NDUFA1: variants seen among roughly 807,000 people sequenced by gnomAD.
NDUFA1 encodes the protein NADH:ubiquinone oxidoreductase subunit A1, also known as NADH dehydrogenase [ubiquinone] 1 alpha subcomplex subunit 1.
For missense variants in NDUFA1, 42 were observed against 56.0 expected, an observed-to-expected ratio of 0.75 and a Z score of 0.80; for synonymous variants, 21 against 20.0, an observed-to-expected ratio of 1.05 and a Z score of -0.14.
At chrX:119,874,568 G>GT (rs1415438089) in intron 2 of NDUFA1, among the ~76,000 whole-genome samples, 1 of 109,299 alleles carries the variant, frequency 9.1e-6, no homozygotes, top group Non-Finnish European at 1.9e-5. Context: ...CTTTTTTTTT[G>GT]TTTTTTGAGA....
At chrX:119,873,217 T>C in intron 1 of NDUFA1, 87 bp from the exon 2 acceptor site, 1 of 702,653 alleles carries the variant, frequency 1.4e-6, no homozygotes, top group Non-Finnish European at 2.3e-6. Context: ...TCCATTTCTC[T>C]GGAATGTCCC....
intron 2 of NDUFA1, 122 bp from the exon 3 acceptor site, chrX:119,876,391 TG>T: frequency 1.5e-6 from 1 of 647,585 alleles, no homozygotes; most frequent in Admixed American, 2.3e-5. Flanking sequence ...GTTAGAGAAA[TG>T]TGGGATGTGG....
chrX:119,874,659 C>G (rs182460219), intron 2 of NDUFA1, among the ~76,000 whole-genome samples: 1 of 111,175 alleles, frequency 9.0e-6, no homozygotes. Context: ...CGGGTTCAAG[C>G]GATTCTTGTG....
At chrX:119,872,059 G>A (rs1569466024) in intron 1 of NDUFA1, 46 bp downstream of exon 1, 4 of 1,137,245 alleles carry the variant, frequency 3.5e-6, no homozygotes, top group Non-Finnish European at 4.8e-6. Context: ...GCTGATTTCC[G>A]AAAAGGGTGG....
At chrX:119,875,747 C>T (rs2056434689) in intron 2 of NDUFA1, among the ~76,000 whole-genome samples, 1 of 111,463 alleles carries the variant, frequency 9.0e-6, no homozygotes, top group African/African-American at 3.3e-5. Context: ...TCTGCTAATT[C>T]CTTATGGACT....
At chrX:119,872,045 A>C in intron 1 of NDUFA1, 32 bp downstream of exon 1, 1 of 1,170,169 alleles carries the variant, frequency 8.5e-7, no homozygotes, top group Non-Finnish European at 1.2e-6. Flanking sequence ...GGCCGACTCC[A>C]CGGGCTGATT....
chrX:119,873,397 A>G lies in NDUFA1; in HGVS notation c.192+4A>G. 8.3e-7 allele frequency: 1 copy of G among 1,204,907 alleles called. No homozygotes were observed. Among genetic ancestry groups the G allele is most frequent in the Non-Finnish European group, 1.1e-6 (1 of 889,393 alleles). Reference sequence around the variant, plus strand: ...TGATCGTTACTATGTGTCAAAGGTAAGATGCCACTCTGATGCCAGCCTTTT... The same window carrying G: ...TGATCGTTACTATGTGTCAAAGGTAGGATGCCACTCTGATGCCAGCCTTTT... On this transcript the variant is annotated splice_donor_region_variant and intron_variant, in intron 2 of 2. Coordinates refer to ENST00000371437, the MANE Select transcript of NDUFA1 (RefSeq NM_004541.4).
chrX:119,874,570 T>G (rs760914814), intron 2 of NDUFA1, among the ~76,000 whole-genome samples: 2 of 111,668 alleles, frequency 1.8e-5, no homozygotes, highest in Non-Finnish European at 3.8e-5. Flanking sequence ...TTTTTTTTGT[T>G]TTTTGAGACA....
chrX:119,872,410 G>C (rs769135365), intron 1 of NDUFA1, among the ~76,000 whole-genome samples: 43 of 110,104 alleles, frequency 3.9e-4, no homozygotes, highest in African/African-American at 1.4e-3. Context: ...CTGAGGTCGG[G>C]AGTTCGATAC....
chrX:119,874,298 A>AC (rs1467923320), intron 2 of NDUFA1, among the ~76,000 whole-genome samples: 1 of 108,012 alleles, frequency 9.3e-6, no homozygotes, highest in African/African-American at 3.4e-5. Context: ...AAAAAAAAAA[A>AC]AACCACCAAG....
rs1202692911 is a variant in NDUFA1 at position 119,873,359 on chromosome X, G to A, written c.158G>A (p.Arg53His). ...TGGAGTCTGATGGAAAGAGATAGGCGCATCTCTGGAGTTGATCGTTACTAT... is the reference window on the plus strand; with the variant it reads ...TGGAGTCTGATGGAAAGAGATAGGCACATCTCTGGAGTTGATCGTTACTAT... ...YHWSLMERDR[R>H]ISGVDRYYVS... Residue 53 changes from arginine (R) to histidine (H), a missense_variant, in exon 2 of 3, where the codon CGC becomes CAC. Transcript: ENST00000371437. 25 of 1,207,887 alleles carry A rather than the reference G, an allele frequency of 2.1e-5. No homozygotes were observed. The highest frequency in any genetic ancestry group is 2.8e-5 in the Non-Finnish European group (25 of 894,074).
At chrX:119,876,410 CTT>C (rs1438747689) in intron 2 of NDUFA1, 102 bp from the exon 3 acceptor site, 7 of 869,187 alleles carry the variant, frequency 8.1e-6, no homozygotes, top group East Asian at 6.2e-5. Context: ...TGGAAGCACT[CTT>C]TTTAATAACA....
chrX:119,871,987 A>G lies in NDUFA1; in HGVS notation c.76A>G (p.Ile26Val). ...GATTCCAGGACTGGCTACTGCGTAC[A>G]TCCACAGGTTCACTAACGGGGGCAA... Reference protein sequence around the residue: ...LLIPGLATAYIHRFTNGGKEK... With the variant: ...LLIPGLATAYVHRFTNGGKEK... Residue 26 changes from isoleucine (I) to valine (V), a missense_variant, in exon 1 of 3, where the codon ATC becomes GTC. Coordinates refer to ENST00000371437, the MANE Select transcript of NDUFA1 (RefSeq NM_004541.4). 3 of 1,212,012 alleles carry G rather than the reference A, an allele frequency of 2.5e-6. No homozygotes were observed. The highest frequency in any genetic ancestry group is 3.4e-6 in the Non-Finnish European group (3 of 895,325).
chrX:119,876,359 T>C (rs902363602), intron 2 of NDUFA1, among the ~76,000 whole-genome samples, 155 bp from the exon 3 acceptor site: 1 of 112,271 alleles, frequency 8.9e-6, no homozygotes, highest in Admixed American at 9.5e-5. Flanking sequence ...GATTATAAAA[T>C]TTAATCCAAT....
intron 2 of NDUFA1, among the ~76,000 whole-genome samples, chrX:119,873,755 C>G (rs2056425824): frequency 9.0e-6 from 1 of 110,726 alleles, no homozygotes; most frequent in African/African-American, 3.3e-5. Context: ...TCAGGTAGTT[C>G]TAAATTTTGA....
intron 1 of NDUFA1, 38 bp downstream of exon 1, chrX:119,872,051 T>G: frequency 8.6e-7 from 1 of 1,161,248 alleles, no homozygotes; most frequent in East Asian, 3.0e-5. Context: ...CTCCACGGGC[T>G]GATTTCCGAA....
intron 2 of NDUFA1, 91 bp from the exon 3 acceptor site, chrX:119,876,423 A>G (rs2056437348): frequency 2.1e-6 from 2 of 933,820 alleles, no homozygotes; most frequent in African/African-American, 1.9e-5. Flanking sequence ...TTTAATAACA[A>G]TGCCATTTAA....
rs1367830417 is a variant in NDUFA1 at position 119,871,927 on chromosome X, C to T, written c.16C>T (p.Leu6Phe). The T allele has an allele frequency of 5.0e-6, 6 of 1,211,981 alleles. No homozygotes were observed. The highest frequency in any genetic ancestry group is 6.7e-6 in the Non-Finnish European group (6 of 895,227). The stretch of plus-strand genomic sequence containing the variant: ...CGGGGCAGAGATGTGGTTCGAGATT[C>T]TCCCCGGACTCTCCGTCATGGGCGT... MWFEILPGLSVMGVCL... is the reference protein window; with the variant it reads MWFEIFPGLSVMGVCL... The change falls in exon 1 of 3, where the codon CTC (leucine) becomes TTC (phenylalanine). Residue 6 changes from leucine (L) to phenylalanine (F), a missense_variant. Transcript: ENST00000371437.
At chrX:119,874,518 C>CA (rs1178714843) in intron 2 of NDUFA1, among the ~76,000 whole-genome samples, 5 of 111,230 alleles carry the variant, frequency 4.5e-5, no homozygotes, top group Non-Finnish European at 9.4e-5. Context: ...AGTAGCATTT[C>CA]ATAAGGCTCA....
Sources: gnomAD v4.1 joint callset for allele counts (sites outside exome capture counted in the v4.1 genomes callset) on GRCh38, gnomAD v4.1.1 for gene constraint, MANE v1.5 for transcripts, NCBI Gene and HGNC (gene_info 2026-07-23, HGNC 2026-07-21) for gene names.